PRKG1: variants seen among roughly 807,000 people sequenced by gnomAD.
PRKG1 encodes the protein cGMP-dependent protein kinase 1.
In PRKG1, 35 loss-of-function variants were observed where a neutral mutation model predicts 88.1. That is an observed-to-expected ratio of 0.40 (90% CI 0.30 to 0.53). The LOEUF is 0.53. Among genes scored for constraint, PRKG1 ranks in the 20% least tolerant of loss-of-function variants. The probability of loss-of-function intolerance (pLI) is 0.59; values close to 1 mark genes in which losing one functional copy is unlikely to be tolerated. For missense variants in PRKG1, 540 were observed against 839.8 expected (o/e 0.64, Z 4.41); for synonymous variants, 303 against 292.5 (o/e 1.04, Z -0.37).
intron 1 of PRKG1, among the ~76,000 whole-genome samples, chr10:51,032,378 C>T (rs552761584): frequency 4.0e-5 from 6 of 151,128 alleles, no homozygotes; most frequent in Non-Finnish European, 7.4e-5. Flanking sequence ...TTGCCCTTGT[C>T]GATTTTTTAA....
At chr10:51,686,722 A>G (rs1841001457) in intron 3 of PRKG1, among the ~76,000 whole-genome samples, 1 of 152,068 alleles carries the variant, frequency 6.6e-6, no homozygotes, top group Admixed American at 6.6e-5. Flanking sequence ...TAAGTTCCCA[A>G]TTTTTCTTTA....
intron 3 of PRKG1, among the ~76,000 whole-genome samples, chr10:51,722,145 C>A (rs1237939271): frequency 2.7e-5 from 4 of 150,378 alleles, no homozygotes; most frequent in Non-Finnish European, 5.9e-5. Context: ...CAGAGAATTG[C>A]TTGAACCTGG....
chr10:51,049,772 T>C lies in PRKG1; in HGVS notation c.266+58128T>C, dbSNP rs543766526. On this transcript the variant is annotated intron_variant, in intron 1 of 17. Coordinates refer to the PRKG1 transcript ENST00000401604. ...CCCAACATATAATTACTGATTCTAG[T>C]TGGTATGGGTTTTTGTGTATTGTCC... Among the ~76,000 whole-genome samples, 4 of 152,334 alleles carry C rather than the reference T, an allele frequency of 2.6e-5. No individual in the cohort carries two copies. The South Asian group carries it at 6.2e-4, about 24-fold the overall frequency.
At chr10:50,993,195 G>C (rs1367859414) in intron 1 of PRKG1, among the ~76,000 whole-genome samples, 1 of 152,200 alleles carries the variant, frequency 6.6e-6, no homozygotes, top group East Asian at 1.9e-4. Context: ...AAGACCAGGA[G>C]CTGGGAGCCA....
rs141724669 is a variant in PRKG1, at chr10:51,815,222, A to G, written c.698+10532A>G. Among the ~76,000 whole-genome samples the G allele has an allele frequency of 2.7e-4, 41 of 152,324 alleles. 1 individual carries two copies. The East Asian group carries it at 7.3e-3, about 27-fold the overall frequency. ...AGCCTGTTGTAGCTTTGAACCTTAT[A>G]AATCTTTCCTGTAGTAAGGCTTATT... On this transcript the variant is annotated intron_variant, in intron 4 of 17. Coordinates refer to ENST00000373980, the MANE Select transcript of PRKG1 (RefSeq NM_006258.4).
At chr10:51,350,300 T>A (rs1471540609) in intron 2 of PRKG1, among the ~76,000 whole-genome samples, 1 of 152,098 alleles carries the variant, frequency 6.6e-6, no homozygotes, top group Non-Finnish European at 1.5e-5. Context: ...CTAATACAGA[T>A]GATAAAGGAA....
intron 2 of PRKG1, among the ~76,000 whole-genome samples, chr10:51,246,334 C>G (rs1424303805): frequency 6.6e-6 from 1 of 152,058 alleles, no homozygotes; most frequent in African/African-American, 2.4e-5. Context: ...AGGTTGCAAA[C>G]CCACATGCCC....
chr10:51,817,106 G>C (rs1839606247), intron 4 of PRKG1, among the ~76,000 whole-genome samples: 1 of 152,096 alleles, frequency 6.6e-6, no homozygotes, highest in Non-Finnish European at 1.5e-5. Flanking sequence ...TATGTGCGTT[G>C]AACTCTGTAC....
intron 4 of PRKG1, among the ~76,000 whole-genome samples, chr10:51,811,358 C>G (rs1589308826): frequency 6.6e-6 from 1 of 152,204 alleles, no homozygotes; most frequent in Admixed American, 6.5e-5. Flanking sequence ...ACAAGCTTTT[C>G]CTTCTTTGAT....
At chr10:52,071,966 T>C (rs1300609224) in intron 7 of PRKG1, among the ~76,000 whole-genome samples, 1 of 152,072 alleles carries the variant, frequency 6.6e-6, no homozygotes. Context: ...TTATACTGCG[T>C]GTGCCTTTTG....
chr10:51,686,729 T>C (rs1464757498), intron 3 of PRKG1, among the ~76,000 whole-genome samples: 1 of 152,176 alleles, frequency 6.6e-6, no homozygotes, highest in African/African-American at 2.4e-5. Flanking sequence ...CCAATTTTTC[T>C]TTACAACCTT....
chr10:51,541,064 C>A (rs1200265939), intron 3 of PRKG1, among the ~76,000 whole-genome samples: 2 of 152,018 alleles, frequency 1.3e-5, no homozygotes, highest in Non-Finnish European at 2.9e-5. Flanking sequence ...AGCAGCAGTC[C>A]CCAACCTTTT....
chr10:51,681,819 A>T lies in PRKG1; in HGVS notation c.593-122766A>T, dbSNP rs547353420. Reference sequence around the variant, plus strand: ...AACATTTTGATGCATTTATTCTGAAATGTTTAATTGATATTATAACATGTT... The same window carrying T: ...AACATTTTGATGCATTTATTCTGAATTGTTTAATTGATATTATAACATGTT... On this transcript the variant is annotated intron_variant, in intron 3 of 17. Coordinates refer to ENST00000373980, the MANE Select transcript of PRKG1 (RefSeq NM_006258.4). 6.9e-4 allele frequency among the ~76,000 whole-genome samples: 105 copies of T among 152,340 alleles called. 2 individuals carry two copies. In the South Asian group the frequency reaches 0.02, roughly 29 times the overall value.
chr10:52,176,579 G>A (rs899081700), intron 9 of PRKG1, among the ~76,000 whole-genome samples: 5 of 151,730 alleles, frequency 3.3e-5, no homozygotes, highest in African/African-American at 9.7e-5. Context: ...ATTTTGATAG[G>A]GATTGCATTA....
chr10:52,066,816 A>G (rs749587436), intron 7 of PRKG1, among the ~76,000 whole-genome samples: 10 of 152,248 alleles, frequency 6.6e-5, no homozygotes, highest in Non-Finnish European at 1.0e-4. Context: ...CCAACAGACC[A>G]TTTCTGCAAA....
chr10:51,247,149 T>C (rs2132134435), intron 2 of PRKG1, among the ~76,000 whole-genome samples: 1 of 152,076 alleles, frequency 6.6e-6, no homozygotes, highest in African/African-American at 2.4e-5. Context: ...ACAAGAATAG[T>C]AGTCAAGAAG....
intron 1 of PRKG1, among the ~76,000 whole-genome samples, chr10:51,152,671 A>C (rs981458312): frequency 2.0e-5 from 3 of 152,052 alleles, no homozygotes; most frequent in Admixed American, 6.6e-5. Context: ...AGTCTAGCAG[A>C]AGAGGCACAT....
intron 3 of PRKG1, among the ~76,000 whole-genome samples, chr10:51,543,090 C>T (rs1055404229): frequency 6.6e-6 from 1 of 152,124 alleles, no homozygotes; most frequent in East Asian, 1.9e-4. Flanking sequence ...CAACATCAAC[C>T]CCAGTGCAGT....
At chr10:51,130,198 TTC>T (rs1398835972) in intron 1 of PRKG1, among the ~76,000 whole-genome samples, 2 of 152,188 alleles carry the variant, frequency 1.3e-5, no homozygotes, top group Non-Finnish European at 2.9e-5. Flanking sequence ...AATAAACCTC[TTC>T]TCTCCTCCAT....
Sources: gnomAD v4.1 joint callset for allele counts (sites outside exome capture counted in the v4.1 genomes callset) on GRCh38, gnomAD v4.1.1 for gene constraint, MANE v1.5 for transcripts, NCBI Gene and HGNC (gene_info 2026-07-23, HGNC 2026-07-21) for gene names.